Variants in CCDC148 observed in about 807,000 individuals in gnomAD.
CCDC148 encodes coiled-coil domain containing 148.
A neutral mutation model predicts 85.7 loss-of-function variants in CCDC148; 89 were observed. The ratio of observed to expected loss-of-function variants is 1.04; its 90% confidence interval spans 0.87 to 1.24. The LOEUF is 1.24. CCDC148 is among the 50% of genes most tolerant of loss of function. CCDC148 has a pLI of 0.00. For synonymous variants in CCDC148, 230 were observed against 213.9 expected, an observed-to-expected ratio of 1.08 and a Z score of -0.66; for missense variants, 692 against 671.7, an observed-to-expected ratio of 1.03 and a Z score of -0.33.
intron 2 of CCDC148, among the ~76,000 whole-genome samples, chr2:158,351,923 C>G (rs1427169209): frequency 8.2e-5 from 12 of 146,992 alleles, no homozygotes; most frequent in Admixed American, 8.1e-4. Context: ...TGACCCCTGA[C>G]CCCTGAGCAG....
chr2:158,196,556 T>A (rs1685681115), intron 11 of CCDC148, among the ~76,000 whole-genome samples: 2 of 152,168 alleles, frequency 1.3e-5, no homozygotes, highest in South Asian at 4.1e-4. Flanking sequence ...AAATTTCCCA[T>A]CTTTACTTAA....
At chr2:158,179,308 G>A (rs1425492318) in intron 11 of CCDC148, among the ~76,000 whole-genome samples, 5 of 149,858 alleles carry the variant, frequency 3.3e-5, no homozygotes, top group Non-Finnish European at 7.4e-5. Flanking sequence ...ACAGGTACCC[G>A]CCACCATGCC....
chr2:158,208,709 T>A (rs1482691811), intron 11 of CCDC148, among the ~76,000 whole-genome samples: 4 of 152,166 alleles, frequency 2.6e-5, no homozygotes, highest in Non-Finnish European at 5.9e-5. Flanking sequence ...TTTTCTATCT[T>A]CCCAGACTTC....
At chr2:158,302,978 C>G (rs1691517071) in intron 9 of CCDC148, among the ~76,000 whole-genome samples, 1 of 152,022 alleles carries the variant, frequency 6.6e-6, no homozygotes, top group South Asian at 2.1e-4. Flanking sequence ...TTACTCTCAT[C>G]CTCTGGTGAG....
chr2:158,229,049 T>C (rs1445892065), intron 10 of CCDC148, among the ~76,000 whole-genome samples: 2 of 151,884 alleles, frequency 1.3e-5, no homozygotes, highest in Non-Finnish European at 2.9e-5. Flanking sequence ...AACTTCAGCC[T>C]GTCTGAATGC....
At chr2:158,412,899 T>C (rs562326261) in intron 1 of CCDC148, among the ~76,000 whole-genome samples, 1 of 149,960 alleles carries the variant, frequency 6.7e-6, no homozygotes, top group South Asian at 2.1e-4. Context: ...ATGTGCACAA[T>C]GTGCAGGTTA....
intron 11 of CCDC148, among the ~76,000 whole-genome samples, chr2:158,205,692 T>C (rs1686206411): frequency 6.6e-6 from 1 of 152,124 alleles, no homozygotes; most frequent in Non-Finnish European, 1.5e-5. Flanking sequence ...GTTTGGAAGG[T>C]AGCAAAATCA....
intron 1 of CCDC148, among the ~76,000 whole-genome samples, chr2:158,436,666 C>CA (rs59022478): frequency 4.0e-5 from 6 of 151,708 alleles, no homozygotes; most frequent in Non-Finnish European, 8.8e-5. Context: ...AAAAATCCTT[C>CA]AAAAAAATCA....
chr2:158,385,419 G>A (rs769950064), intron 1 of CCDC148, among the ~76,000 whole-genome samples: 2 of 152,084 alleles, frequency 1.3e-5, no homozygotes, highest in Admixed American at 6.6e-5. Flanking sequence ...AAAACAGTAC[G>A]TAGCACATAG....
chr2:158,443,832 C>A (rs979420262), intron 1 of CCDC148, among the ~76,000 whole-genome samples: 3 of 152,186 alleles, frequency 2.0e-5, no homozygotes, highest in African/African-American at 7.2e-5. Context: ...GCAGGACAGG[C>A]AAGGCTACAA....
At chr2:158,323,854 T>C (rs1015189448) in intron 7 of CCDC148, among the ~76,000 whole-genome samples, 2 of 151,804 alleles carry the variant, frequency 1.3e-5, no homozygotes, top group Non-Finnish European at 2.9e-5. Context: ...ACATGTATTT[T>C]TGCTTTAAAA....
intron 1 of CCDC148, among the ~76,000 whole-genome samples, chr2:158,396,682 T>C (rs1685536267): frequency 6.6e-6 from 1 of 152,098 alleles, no homozygotes; most frequent in African/African-American, 2.4e-5. Flanking sequence ...CAGACTCACC[T>C]CACAGGGTCA....
chr2:158,365,942 C>T, intron 1 of CCDC148: 1 of 1,097,528 alleles, frequency 9.1e-7, no homozygotes, highest in Non-Finnish European at 1.3e-6. Context: ...ATCAACATTC[C>T]AATTGTGTAT....
At chr2:158,452,612 T>C (rs190589367) in intron 1 of CCDC148, among the ~76,000 whole-genome samples, 2 of 148,242 alleles carry the variant, frequency 1.3e-5, no homozygotes, top group Admixed American at 1.3e-4. Context: ...TCTGGTTCTC[T>C]TGTTCTCTTA....
At chr2:158,400,676 A>G (rs1317282989) in intron 1 of CCDC148, among the ~76,000 whole-genome samples, 4 of 152,216 alleles carry the variant, frequency 2.6e-5, no homozygotes, top group Admixed American at 2.6e-4. Context: ...AAACACCAAA[A>G]GCAATGGCAA....
intron 1 of CCDC148, among the ~76,000 whole-genome samples, chr2:158,375,395 G>A (rs1198377333): frequency 2.0e-5 from 3 of 151,978 alleles, no homozygotes; most frequent in Non-Finnish European, 4.4e-5. Context: ...TCTGATTAAT[G>A]GTCACAAATG....
intron 11 of CCDC148, among the ~76,000 whole-genome samples, chr2:158,206,578 T>C (rs1313655289): frequency 6.6e-6 from 1 of 152,258 alleles, no homozygotes; most frequent in Non-Finnish European, 1.5e-5. Context: ...CCATGTTCAC[T>C]TTACCTCATG....
At chr2:158,213,875 C>G (rs1686703849) in intron 11 of CCDC148, among the ~76,000 whole-genome samples, 1 of 152,058 alleles carries the variant, frequency 6.6e-6, no homozygotes, top group Non-Finnish European at 1.5e-5. Context: ...GTGACCAGGG[C>G]ACCAGTATTG....
intron 2 of CCDC148, among the ~76,000 whole-genome samples, chr2:158,346,392 G>A (rs1053347610): frequency 6.6e-6 from 1 of 152,122 alleles, no homozygotes. Context: ...AACTATCTCC[G>A]GGTAACCTCA....
Sources: gnomAD v4.1 joint callset for allele counts (sites outside exome capture counted in the v4.1 genomes callset) on GRCh38, gnomAD v4.1.1 for gene constraint, MANE v1.5 for transcripts, NCBI Gene and HGNC (gene_info 2026-07-23, HGNC 2026-07-21) for gene names.